SERPINB12: variants seen among roughly 807,000 people sequenced by gnomAD.
SERPINB12 encodes the protein serpin family B member 12, also known as serpin B12.
SERPINB12 carries 57 observed loss-of-function variants against 41.1 expected under a neutral mutation model. That is an observed-to-expected ratio of 1.39 (90% CI 1.12 to 1.73). The LOEUF is 1.73. Ranked by LOEUF, SERPINB12 falls within the 40% of genes most tolerant of loss-of-function variation. SERPINB12 has a pLI of 0.00. For missense variants in SERPINB12, 536 were observed against 501.9 expected (o/e 1.07, Z -0.65); for synonymous variants, 180 against 181.3 (o/e 0.99, Z 0.06).
Position 63,551,323 on chromosome 18 carries a change from ATTTCTTTTT to A in SERPINB12, c.-18-4808_-18-4800del, listed in dbSNP as rs1279448316. 4.6e-5 allele frequency among the ~76,000 whole-genome samples: 7 copies of A among 151,958 alleles called. No homozygotes were observed. The East Asian group carries it at 1.4e-3, about 30-fold the overall frequency. ...AAAAAAAAGAAAGTTTTCAGGTATG[ATTTCTTTTT>A]TTTCTTTTTTGAGATGGAATTTCGC... On this transcript the variant is annotated intron_variant, in intron 1 of 7. Coordinates refer to ENST00000382768, the MANE Select transcript of SERPINB12 (RefSeq NM_001307928.2).
the SERPINB12 span, among the ~76,000 whole-genome samples, chr18:63,526,552 A>G: frequency 6.6e-6 from 1 of 152,190 alleles, no homozygotes; most frequent in Non-Finnish European, 1.5e-5. Context: ...ACTGTTTTAT[A>G]TTTTTATCCA....
intron 1 of SERPINB12, among the ~76,000 whole-genome samples, chr18:63,543,751 G>A (rs1195567937): frequency 1.3e-5 from 2 of 151,726 alleles, no homozygotes; most frequent in Admixed American, 6.6e-5. Context: ...CCTGTAGCTG[G>A]GCTTACAGGC....
intron 1 of SERPINB12, among the ~76,000 whole-genome samples, chr18:63,551,482 T>A (rs963703102): frequency 1.3e-5 from 2 of 151,922 alleles, no homozygotes; most frequent in Non-Finnish European, 2.9e-5. Context: ...CATGCCACCA[T>A]GCCTGGCTAA....
chr18:63,522,204 C>T, the SERPINB12 span, among the ~76,000 whole-genome samples: 1 of 152,054 alleles, frequency 6.6e-6, no homozygotes, highest in African/African-American at 2.4e-5. Flanking sequence ...GCTAGAAAAC[C>T]GAATCAAGGC....
At chr18:63,566,513 G>T in intron 7 of SERPINB12, 94 bp from the exon 8 acceptor site, 1 of 1,101,076 alleles carries the variant, frequency 9.1e-7, no homozygotes, top group Non-Finnish European at 1.3e-6. Flanking sequence ...GGTTGTCACT[G>T]CCCACTGAAA....
chr18:63,566,515 C>A, intron 7 of SERPINB12, 92 bp from the exon 8 acceptor site: 1 of 1,125,174 alleles, frequency 8.9e-7, no homozygotes, highest in Non-Finnish European at 1.3e-6. Context: ...TTGTCACTGC[C>A]CACTGAAAGG....
chr18:63,551,281 A>C (rs578116511), intron 1 of SERPINB12, among the ~76,000 whole-genome samples: 1 of 152,176 alleles, frequency 6.6e-6, no homozygotes, highest in South Asian at 2.1e-4. Flanking sequence ...ACAAACAAAC[A>C]AAGAAACAAA....
intron 5 of SERPINB12, among the ~76,000 whole-genome samples, chr18:63,563,043 C>T (rs1910966309): frequency 6.6e-6 from 1 of 152,154 alleles, no homozygotes; most frequent in Admixed American, 6.5e-5. Flanking sequence ...CCCATTCCTG[C>T]CAGTCTTACT....
rs765291455 is a variant in SERPINB12, at chr18:63,566,845, A to G, written c.1112A>G (p.Glu371Gly). ...AAAATTATCCACAAAACCTTTGTGG[A>G]GGTGGATGAAAACGGTACCCAGGCA... ...LSKIIHKTFV[E>G]VDENGTQAAA... is the part of the protein sequence containing the mutation. Residue 371 changes from glutamate (E) to glycine (G), a missense_variant, in exon 8 of 8, where the codon GAG becomes GGG. By Grantham distance (98) the Glu-to-Gly change is moderately conservative. Coordinates refer to ENST00000382768, the MANE Select transcript of SERPINB12 (RefSeq NM_001307928.2). 1 of 1,614,120 alleles carries G rather than the reference A, an allele frequency of 6.2e-7. No homozygotes were observed. The highest frequency in any genetic ancestry group is 2.2e-5 in the East Asian group (1 of 44,894).
At chr18:63,521,455 T>A in the SERPINB12 span, among the ~76,000 whole-genome samples, 265 of 152,298 alleles carry the variant, frequency 1.7e-3, no homozygotes, top group African/African-American at 6.1e-3. Flanking sequence ...TTAGCAACAT[T>A]TGAGCAACAA....
the SERPINB12 span, among the ~76,000 whole-genome samples, chr18:63,520,096 A>C: frequency 6.6e-6 from 1 of 152,216 alleles, no homozygotes; most frequent in South Asian, 2.1e-4. Context: ...CTTCACCCTC[A>C]GCTCTGTTTT....
At chr18:63,550,695 G>A (rs1425468998) in intron 1 of SERPINB12, among the ~76,000 whole-genome samples, 1 of 152,172 alleles carries the variant, frequency 6.6e-6, no homozygotes, top group Non-Finnish European at 1.5e-5. Flanking sequence ...GCTCACAAGA[G>A]CTGATTTTGT....
At chr18:63,526,486 T>C in the SERPINB12 span, among the ~76,000 whole-genome samples, 1 of 152,170 alleles carries the variant, frequency 6.6e-6, no homozygotes, top group Non-Finnish European at 1.5e-5. Flanking sequence ...CTAGCTTTCA[T>C]CTTAGAATTT....
intron 1 of SERPINB12, among the ~76,000 whole-genome samples, chr18:63,546,960 G>T (rs943662211): frequency 1.3e-5 from 2 of 152,158 alleles, no homozygotes; most frequent in African/African-American, 2.4e-5. Flanking sequence ...GTAAATGCTC[G>T]AATTGCCTGA....
At chr18:63,564,338 G>C (rs1355526449) in intron 6 of SERPINB12, among the ~76,000 whole-genome samples, 1 of 152,184 alleles carries the variant, frequency 6.6e-6, no homozygotes, top group Admixed American at 6.5e-5. Context: ...TTCCCCCAAA[G>C]AGCATTATGA....
chr18:63,556,680 T>C (rs1389506687), intron 2 of SERPINB12, among the ~76,000 whole-genome samples: 1 of 152,256 alleles, frequency 6.6e-6, no homozygotes, highest in Non-Finnish European at 1.5e-5. Context: ...TGTATATGTC[T>C]TCTGTCTCAC....
At chr18:63,539,885 T>C (rs1175287830), upstream of SERPINB12, among the ~76,000 whole-genome samples, 1 of 152,166 alleles carries the variant, frequency 6.6e-6, no homozygotes, top group African/African-American at 2.4e-5. Context: ...TCTAAGTTTT[T>C]CAATGGTGTG....
At chr18:63,523,253 A>G in the SERPINB12 span, among the ~76,000 whole-genome samples, 1 of 152,238 alleles carries the variant, frequency 6.6e-6, no homozygotes, top group Non-Finnish European at 1.5e-5. Context: ...TTAGAAGCAA[A>G]TATAGACAGT....
At chr18:63,523,740 A>T in the SERPINB12 span, among the ~76,000 whole-genome samples, 1 of 152,220 alleles carries the variant, frequency 6.6e-6, no homozygotes, top group Non-Finnish European at 1.5e-5. Context: ...ATCAGGTCAC[A>T]GCAGCAGATT....
Sources: gnomAD v4.1 joint callset for allele counts (sites outside exome capture counted in the v4.1 genomes callset) on GRCh38, gnomAD v4.1.1 for gene constraint, MANE v1.5 for transcripts, NCBI Gene and HGNC (gene_info 2026-07-23, HGNC 2026-07-21) for gene names.